Variants in ATP8A2 observed in about 807,000 individuals in gnomAD.
The protein encoded by ATP8A2 is phospholipid-transporting ATPase IB.
A neutral mutation model predicts 165.6 loss-of-function variants in ATP8A2; 100 were observed. That is an observed-to-expected ratio of 0.60 (90% CI 0.51 to 0.71). The LOEUF is 0.71. ATP8A2 is among the 30% of genes least tolerant of loss of function. The pLI, the probability that ATP8A2 is intolerant of heterozygous loss-of-function variation, is 0.00. For synonymous variants in ATP8A2, 543 were observed against 548.8 expected (o/e 0.99, Z 0.15); for missense variants, 1,227 against 1,479.5 (o/e 0.83, Z 2.80).
chr13:25,535,628 A>C (rs1374003215), intron 6 of ATP8A2, among the ~76,000 whole-genome samples: 12 of 152,148 alleles, frequency 7.9e-5, no homozygotes, highest in Non-Finnish European at 2.9e-5. Context: ...AGCCTGGGCA[A>C]CATGGTCAAA....
At chr13:25,766,302 A>T (rs2044489372) in intron 25 of ATP8A2, among the ~76,000 whole-genome samples, 1 of 152,236 alleles carries the variant, frequency 6.6e-6, no homozygotes, top group Admixed American at 6.5e-5. Flanking sequence ...CTAATTATTA[A>T]GTAGGTAAAG....
At chr13:25,700,958 G>A (rs369400209) in intron 25 of ATP8A2, among the ~76,000 whole-genome samples, 15 of 152,188 alleles carry the variant, frequency 9.9e-5, no homozygotes, top group African/African-American at 2.4e-4. Context: ...GATGTTGATC[G>A]TTTTTTCATG....
intron 24 of ATP8A2, among the ~76,000 whole-genome samples, chr13:25,612,967 T>G: frequency 6.6e-6 from 1 of 152,278 alleles, no homozygotes; most frequent in South Asian, 2.1e-4. Context: ...CTGCATGCTT[T>G]TGGTGTCTGT....
chr13:25,784,994 G>A lies in ATP8A2; in HGVS notation c.2679+10035G>A, dbSNP rs544011429. On this transcript the variant is annotated intron_variant, in intron 27 of 36. Coordinates refer to ENST00000381655, the MANE Select transcript of ATP8A2 (RefSeq NM_016529.6). ...TGGTCAGGCTGGTCTCAAACTCCTA[G>A]CCTCATGATCTGCCTGCCTCGGCCT... 2.6e-5 allele frequency among the ~76,000 whole-genome samples: 4 copies of A among 151,890 alleles called. No individual in the cohort carries two copies. The South Asian group carries it at 8.4e-4, about 32-fold the overall frequency.
chr13:25,681,656 C>T (rs1172076192), intron 24 of ATP8A2, among the ~76,000 whole-genome samples: 1 of 152,150 alleles, frequency 6.6e-6, no homozygotes, highest in African/African-American at 2.4e-5. Flanking sequence ...GTAGTCTGAA[C>T]TTGTGGACAG....
At chr13:25,969,703 T>C (rs1955871190) in intron 35 of ATP8A2, among the ~76,000 whole-genome samples, 1 of 147,728 alleles carries the variant, frequency 6.8e-6, no homozygotes, top group Non-Finnish European at 1.5e-5. Flanking sequence ...GAAGTTGTGG[T>C]TTTGTATTTA....
intron 4 of ATP8A2, among the ~76,000 whole-genome samples, chr13:25,531,355 TTATATATGATA>T (rs1566229894): frequency 2.3e-5 from 3 of 131,972 alleles, no homozygotes; most frequent in African/African-American, 9.1e-5. Context: ...GATATATATG[TTATATATGATA>T]TATATATGTT....
At chr13:25,810,863 A>G (rs968309796) in intron 27 of ATP8A2, among the ~76,000 whole-genome samples, 3 of 152,122 alleles carry the variant, frequency 2.0e-5, no homozygotes, top group Admixed American at 1.3e-4. Context: ...TGGTGTGATT[A>G]TGTCTATCCC....
intron 1 of ATP8A2, among the ~76,000 whole-genome samples, chr13:25,440,081 G>C (rs1157771326): frequency 2.6e-5 from 4 of 152,002 alleles, no homozygotes; most frequent in African/African-American, 9.7e-5. Flanking sequence ...TGATCTGGAG[G>C]GGGTGCTAGT....
intron 30 of ATP8A2, among the ~76,000 whole-genome samples, chr13:25,847,301 C>G (rs1951889811): frequency 6.6e-6 from 1 of 152,168 alleles, no homozygotes; most frequent in Non-Finnish European, 1.5e-5. Flanking sequence ...AACAGGTTTC[C>G]AAATTCAAAT....
intron 2 of ATP8A2, among the ~76,000 whole-genome samples, chr13:25,491,770 T>A (rs2036534610): frequency 6.6e-6 from 1 of 152,240 alleles, no homozygotes; most frequent in African/African-American, 2.4e-5. Context: ...TAATAATTAT[T>A]CATTGTTTTA....
intron 24 of ATP8A2, among the ~76,000 whole-genome samples, chr13:25,690,746 G>C (rs1045329525): frequency 3.3e-5 from 5 of 152,160 alleles, no homozygotes; most frequent in Non-Finnish European, 7.3e-5. Flanking sequence ...AGTGACTCAG[G>C]CACTTTGGAA....
At chr13:25,404,736 T>C (rs980334912) in intron 1 of ATP8A2, among the ~76,000 whole-genome samples, 2 of 151,740 alleles carry the variant, frequency 1.3e-5, no homozygotes, top group Non-Finnish European at 2.9e-5. Context: ...CTGTGCTGAT[T>C]GAGGTGTCTG....
At chr13:25,614,434 ATTTC>A (rs1469542803) in intron 24 of ATP8A2, among the ~76,000 whole-genome samples, 1 of 151,990 alleles carries the variant, frequency 6.6e-6, no homozygotes, top group Non-Finnish European at 1.5e-5. Flanking sequence ...CATTTTCAAA[ATTTC>A]TTTAAGTTGG....
At chr13:25,793,688 C>T (rs1174410748) in intron 27 of ATP8A2, among the ~76,000 whole-genome samples, 1 of 151,598 alleles carries the variant, frequency 6.6e-6, no homozygotes, top group Non-Finnish European at 1.5e-5. Context: ...CTGGAAAAAA[C>T]TGTTGTTGGT....
intron 2 of ATP8A2, among the ~76,000 whole-genome samples, chr13:25,521,705 T>G (rs1337749402): frequency 6.6e-6 from 1 of 152,022 alleles, no homozygotes; most frequent in African/African-American, 2.4e-5. Flanking sequence ...TATATCTGGG[T>G]TCTCTCTATT....
chr13:25,651,370 G>A (rs2137630834), intron 24 of ATP8A2, among the ~76,000 whole-genome samples: 1 of 152,056 alleles, frequency 6.6e-6, no homozygotes, highest in South Asian at 2.1e-4. Flanking sequence ...TTGAACTCGG[G>A]AGGCAGAGAT....
chr13:25,771,759 G>A (rs183857136), intron 26 of ATP8A2, among the ~76,000 whole-genome samples: 3 of 152,126 alleles, frequency 2.0e-5, no homozygotes, highest in Non-Finnish European at 4.4e-5. Context: ...TGGGGATGCT[G>A]TTACTTCAGG....
chr13:25,885,032 G>A (rs1014645254), intron 33 of ATP8A2, among the ~76,000 whole-genome samples: 2 of 151,686 alleles, frequency 1.3e-5, no homozygotes, highest in African/African-American at 4.9e-5. Context: ...TCCTGAGCTG[G>A]CCTCCATGTC....
Sources: gnomAD v4.1 joint callset for allele counts (sites outside exome capture counted in the v4.1 genomes callset) on GRCh38, gnomAD v4.1.1 for gene constraint, MANE v1.5 for transcripts, NCBI Gene and HGNC (gene_info 2026-07-23, HGNC 2026-07-21) for gene names.